MACIR: variants seen among roughly 807,000 people sequenced by gnomAD.
MACIR encodes macrophage immunometabolism regulator, also known as UNC119-binding protein C5orf30.
MACIR carries 4 observed loss-of-function variants against 14.3 expected under a neutral mutation model. The observed-to-expected ratio is 0.28, with a 90% CI of 0.14 to 0.64. MACIR has a LOEUF of 0.64. MACIR is among the 30% of genes least tolerant of loss of function. The pLI is 0.83. For missense variants in MACIR, 228 were observed against 257.6 expected, an observed-to-expected ratio of 0.89 and a Z score of 0.79; for synonymous variants, 101 against 102.4, an observed-to-expected ratio of 0.99 and a Z score of 0.08.
At chr5:103,258,695 C>T (rs1216664370), upstream of MACIR, 2 of 152,888 alleles carry the variant, frequency 1.3e-5, no homozygotes, top group Admixed American at 6.5e-5. Context: ...GAGGAGGAGG[C>T]GGAGGAGGAG....
At chr5:103,260,050 CGT>C (rs70990427) in intron 1 of MACIR, among the ~76,000 whole-genome samples, 6,518 of 138,740 alleles carry the variant, frequency 0.047, 445 homozygotes, top group African/African-American at 0.15. Flanking sequence ...CCAAGATTTC[CGT>C]GTGTGTGTGT....
chr5:103,271,281 G>A (rs1805114675), intron 2 of MACIR, among the ~76,000 whole-genome samples: 1 of 152,048 alleles, frequency 6.6e-6, no homozygotes, highest in Non-Finnish European at 1.5e-5. Context: ...AGGAGCCAAG[G>A]GCATTTAGGT....
chr5:103,275,594 T>C (rs1210297896), intron 2 of MACIR, among the ~76,000 whole-genome samples: 1 of 152,218 alleles, frequency 6.6e-6, no homozygotes, highest in Non-Finnish European at 1.5e-5. Context: ...CTTTATGTGA[T>C]TGAATAGAGT....
At chr5:103,264,204 T>G (rs1271672539) in intron 1 of MACIR, among the ~76,000 whole-genome samples, 1 of 152,164 alleles carries the variant, frequency 6.6e-6, no homozygotes, top group African/African-American at 2.4e-5. Flanking sequence ...AAATGATCTT[T>G]GGAGTCAGAC....
At chr5:103,272,050 A>G (rs776768261) in intron 2 of MACIR, among the ~76,000 whole-genome samples, 1 of 152,118 alleles carries the variant, frequency 6.6e-6, no homozygotes, top group Non-Finnish European at 1.5e-5. Context: ...CTGTAGTGGT[A>G]ATTTGTGAGA....
chr5:103,273,293 A>G (rs577173363), intron 2 of MACIR, among the ~76,000 whole-genome samples: 1 of 151,826 alleles, frequency 6.6e-6, no homozygotes, highest in African/African-American at 2.4e-5. Context: ...ATCATTGTCT[A>G]CCAGGTTGAT....
At chr5:103,269,255 G>C (rs537939286) in intron 2 of MACIR, among the ~76,000 whole-genome samples, 235 of 152,198 alleles carry the variant, frequency 1.5e-3, no homozygotes, top group Middle Eastern at 6.8e-3. Context: ...GGTGGCTCTA[G>C]ATATCATGAT....
At chr5:103,275,315 A>C (rs1431618393) in intron 2 of MACIR, among the ~76,000 whole-genome samples, 1 of 152,230 alleles carries the variant, frequency 6.6e-6, no homozygotes, top group African/African-American at 2.4e-5. Flanking sequence ...AAGACTCCTC[A>C]TACTCTAAGA....
rs1554237796 is a variant in MACIR, at chr5:103,276,707, C to G, written c.*167C>G. 1 of 561,192 alleles carries G rather than the reference C, an allele frequency of 1.8e-6. No homozygotes were observed. The highest frequency in any genetic ancestry group is 1.9e-5 in the African/African-American group (1 of 51,602). The allele number at this position is 561,192 out of a possible 1,614,324, so 34.8% of individuals were successfully genotyped here. ...TCAAATTTGAATACAGGAATGAAAT[C>G]ACAGGTACTTGGGGGGGGGATATCA... On this transcript the variant is annotated 3_prime_UTR_variant, in exon 3 of 3. Transcript: ENST00000319933.
chr5:103,267,672 C>A (rs1044834334), intron 2 of MACIR, among the ~76,000 whole-genome samples: 3 of 152,050 alleles, frequency 2.0e-5, no homozygotes, highest in Admixed American at 1.3e-4. Flanking sequence ...ATTTGGAGGA[C>A]CATCTGAAAC....
intron 1 of MACIR, among the ~76,000 whole-genome samples, chr5:103,265,453 G>T (rs1415680551): frequency 1.3e-5 from 2 of 152,162 alleles, no homozygotes; most frequent in African/African-American, 4.8e-5. Context: ...ACATTTTAGA[G>T]ATTGATATTT....
intron 2 of MACIR, 84 bp from the exon 3 acceptor site, chr5:103,275,813 G>T: frequency 8.7e-7 from 1 of 1,148,100 alleles, no homozygotes; most frequent in Non-Finnish European, 1.2e-6. Flanking sequence ...GTTACTTCAT[G>T]CTCCCTGAGC....
rs782461158 is a variant in MACIR at position 103,276,522 on chromosome 5, T to C, written c.603T>C (p.Phe201=). The change falls in exon 3 of 3, where the codon TTT becomes TTC. Residue 201 remains phenylalanine (F), a synonymous_variant. Transcript: ENST00000319933. ...TAACCCTCCGAGGGGACCGTGTGTT[T>C]GCTAGGAATAATACATGAATGACTT... The part of the protein sequence containing the change: ...QHLTLRGDRV[F]ARNNT 2 of 1,610,342 alleles carry C rather than the reference T, an allele frequency of 1.2e-6. No individual in the cohort carries two copies. Among genetic ancestry groups the C allele is most frequent in the Middle Eastern group, 1.7e-4 (1 of 5,846 alleles).
chr5:103,262,551 T>G (rs1804765542), intron 1 of MACIR, among the ~76,000 whole-genome samples: 2 of 152,248 alleles, frequency 1.3e-5, no homozygotes, highest in Non-Finnish European at 1.5e-5. Flanking sequence ...AACTATCACC[T>G]GAGAAATTCG....
chr5:103,261,023 G>GT (rs1395821144), intron 1 of MACIR, among the ~76,000 whole-genome samples: 3 of 152,178 alleles, frequency 2.0e-5, no homozygotes, highest in African/African-American at 7.2e-5. Flanking sequence ...GTGAAACTGA[G>GT]TATTTTTCTA....
chr5:103,259,058 G>C (rs1804560999), intron 1 of MACIR, 162 bp downstream of exon 1: 1 of 152,284 alleles, frequency 6.6e-6, no homozygotes, highest in South Asian at 2.1e-4. Context: ...TGTCTGGGCC[G>C]GGCGCACGAT....
intron 1 of MACIR, among the ~76,000 whole-genome samples, chr5:103,264,468 A>G (rs935822169): frequency 2.6e-5 from 4 of 152,126 alleles, no homozygotes; most frequent in African/African-American, 9.7e-5. Context: ...TGTTATTAGT[A>G]TTGGGGAAAT....
intron 2 of MACIR, among the ~76,000 whole-genome samples, chr5:103,268,940 C>A (rs1379386157): frequency 6.6e-6 from 1 of 152,072 alleles, no homozygotes; most frequent in African/African-American, 2.4e-5. Flanking sequence ...ACCACTCTAG[C>A]CAGGGGCGGT....
intron 2 of MACIR, among the ~76,000 whole-genome samples, chr5:103,269,554 A>C (rs557423475): frequency 6.6e-6 from 1 of 152,142 alleles, no homozygotes; most frequent in Non-Finnish European, 1.5e-5. Context: ...TTTCAAAAAG[A>C]ATTCTTCGTA....
Sources: gnomAD v4.1 joint callset for allele counts (sites outside exome capture counted in the v4.1 genomes callset) on GRCh38, gnomAD v4.1.1 for gene constraint, MANE v1.5 for transcripts, NCBI Gene and HGNC (gene_info 2026-07-23, HGNC 2026-07-21) for gene names.